The following ERICH3 variants were observed in gnomAD, a reference collection of about 807,000 sequenced individuals.
ERICH3 encodes the protein glutamate-rich protein 3.
In ERICH3, 126 loss-of-function variants were observed where a neutral mutation model predicts 131.1. The observed-to-expected ratio is 0.96, with a 90% confidence interval of 0.83 to 1.11. ERICH3 has a LOEUF of 1.11. Ranked by LOEUF, ERICH3 falls within the 50% of genes most tolerant of loss-of-function variation. ERICH3 has a pLI of 0.00. For synonymous variants in ERICH3, 695 were observed against 644.6 expected (o/e 1.08, Z -1.18); for missense variants, 2,050 against 1,810.7 (o/e 1.13, Z -2.40).
At chr1:74,594,723 C>T (rs956568586) in intron 11 of ERICH3, among the ~76,000 whole-genome samples, 2 of 152,102 alleles carry the variant, frequency 1.3e-5, no homozygotes, top group African/African-American at 4.8e-5. Context: ...AAACTATTGC[C>T]ATACTCTTAT....
intron 10 of ERICH3, among the ~76,000 whole-genome samples, chr1:74,602,325 G>A (rs192725633): frequency 1.7e-4 from 26 of 152,024 alleles, no homozygotes; most frequent in Admixed American, 1.5e-3. Context: ...TGTCATTATA[G>A]CTCAAAGCAC....
chr1:74,636,421 A>T lies in ERICH3; in HGVS notation c.462T>A (p.Tyr154Ter), dbSNP rs1356149289. 1 of 1,611,514 alleles carries T rather than the reference A, an allele frequency of 6.2e-7. No homozygotes were observed. Among genetic ancestry groups the T allele is most frequent in the Admixed American group, 1.7e-5 (1 of 59,896 alleles). Residue 154 changes from tyrosine to a stop codon, truncating the protein, a stop_gained, in exon 6 of 15, where the codon TAT becomes TAA. Transcript: ENST00000326665. LOFTEE classifies it high-confidence loss of function. ...GAGGCTGCATATTTCCTGGAGCAGT[A>T]TATGGTCGAGGGGCTGTCTAGACAA... The part of the protein sequence containing the change: ...SPLALTAPRP[Y>*]TAPGNMQPPI...
At chr1:74,636,973 C>T (rs1646395431) in intron 5 of ERICH3, among the ~76,000 whole-genome samples, 1 of 152,112 alleles carries the variant, frequency 6.6e-6, no homozygotes, top group South Asian at 2.1e-4. Context: ...CAATGGCATC[C>T]TTGAAATACT....
intron 7 of ERICH3, chr1:74,625,603 G>A (rs1557689499): frequency 6.6e-6 from 1 of 151,424 alleles, no homozygotes; most frequent in African/African-American, 2.4e-5. Context: ...ATGGTTAATT[G>A]TATATATATA....
At chr1:74,645,102 C>T (rs748717282) in intron 3 of ERICH3, among the ~76,000 whole-genome samples, 10 of 151,996 alleles carry the variant, frequency 6.6e-5, no homozygotes, top group Non-Finnish European at 1.0e-4. Flanking sequence ...GCAAGACCTC[C>T]GTTCAGTTTC....
intron 1 of ERICH3, among the ~76,000 whole-genome samples, chr1:74,655,736 A>G (rs980304920): frequency 2.6e-5 from 4 of 152,168 alleles, no homozygotes; most frequent in African/African-American, 4.8e-5. Context: ...CCATTCTTCT[A>G]TGTTCTGCAA....
intron 8 of ERICH3, chr1:74,615,178 GTTAC>G (rs1001178119): frequency 6.6e-6 from 1 of 152,056 alleles, no homozygotes; most frequent in African/African-American, 2.4e-5. Flanking sequence ...TTACTCCTTT[GTTAC>G]TTATTTTTGT....
chr1:74,613,063 A>G (rs1333739801), intron 8 of ERICH3, among the ~76,000 whole-genome samples: 1 of 152,220 alleles, frequency 6.6e-6, no homozygotes, highest in East Asian at 1.9e-4. Flanking sequence ...TGTTTGAAGA[A>G]AGTTTTCAAA....
At chr1:74,666,815 C>A (rs182303142) in intron 1 of ERICH3, among the ~76,000 whole-genome samples, 42 of 152,212 alleles carry the variant, frequency 2.8e-4, no homozygotes, top group Admixed American at 1.9e-3. Context: ...CTTATTTAAC[C>A]CATGAAGTGC....
chr1:74,624,919 T>C (rs934710526), intron 7 of ERICH3: 5 of 77,116 alleles, frequency 6.5e-5, no homozygotes, highest in Non-Finnish European at 1.0e-4. Flanking sequence ...GTGTTAGAGA[T>C]TGGGTCTTGT....
intron 1 of ERICH3, among the ~76,000 whole-genome samples, chr1:74,651,579 A>G (rs1400760422): frequency 6.6e-6 from 1 of 152,152 alleles, no homozygotes; most frequent in Non-Finnish European, 1.5e-5. Flanking sequence ...TCCTCATTTC[A>G]GAAAGGTGAG....
intron 1 of ERICH3, among the ~76,000 whole-genome samples, chr1:74,660,552 G>A (rs191225234): frequency 4.7e-5 from 7 of 149,412 alleles, no homozygotes; most frequent in Middle Eastern, 3.6e-3. Flanking sequence ...TTGATTATAA[G>A]AAGGCTCAAT....
At chr1:74,639,449 A>T (rs2100632406) in intron 5 of ERICH3, among the ~76,000 whole-genome samples, 1 of 152,280 alleles carries the variant, frequency 6.6e-6, no homozygotes, top group South Asian at 2.1e-4. Context: ...GTGAGCTACA[A>T]ATTGTTGTAG....
In ERICH3 at chr1:74,673,641, G is replaced by A. The variant is rs754081021; in HGVS notation, c.-122C>T. ...GGCTCCGCACCGAGGTCCCCTGTGC[G>A]CGGGCACCTGGGCTGGGCCGCCGCC... On this transcript the variant is annotated 5_prime_UTR_variant, in exon 1 of 15. Transcript: ENST00000326665. 5 of 1,115,908 alleles carry A rather than the reference G, an allele frequency of 4.5e-6. No homozygotes were observed. The highest frequency in any genetic ancestry group is 6.2e-6 in the Non-Finnish European group (5 of 809,214). The allele number at this position is 1,115,908 out of a possible 1,614,324, so 69.1% of individuals were successfully genotyped here.
intron 9 of ERICH3, among the ~76,000 whole-genome samples, chr1:74,609,343 CA>C (rs1217578538): frequency 2.6e-5 from 4 of 151,968 alleles, no homozygotes; most frequent in Non-Finnish European, 5.9e-5. Context: ...TTTCTCATCA[CA>C]AATGTTTCTG....
chr1:74,617,276 T>A (rs1649013167), intron 8 of ERICH3, among the ~76,000 whole-genome samples: 1 of 150,496 alleles, frequency 6.6e-6, no homozygotes, highest in African/African-American at 2.4e-5. Flanking sequence ...CACCTAAATA[T>A]GTAGTTTTCA....
intron 12 of ERICH3, among the ~76,000 whole-genome samples, chr1:74,582,058 T>C (rs569482487): frequency 2.0e-5 from 3 of 152,292 alleles, no homozygotes; most frequent in African/African-American, 7.2e-5. Context: ...AGTGCCTCTA[T>C]GAATTCAGGG....
intron 7 of ERICH3, among the ~76,000 whole-genome samples, chr1:74,629,097 T>C (rs2100620642): frequency 6.6e-6 from 1 of 152,150 alleles, no homozygotes; most frequent in East Asian, 1.9e-4. Flanking sequence ...TCTCCACAAA[T>C]ACGACGGAGT....
chr1:74,619,186 T>C (rs72675362), intron 8 of ERICH3, among the ~76,000 whole-genome samples: 3,835 of 152,266 alleles, frequency 0.025, 65 homozygotes, highest in Non-Finnish European at 0.037. Flanking sequence ...TAACACTGAC[T>C]CAAGTGACAC....
Sources: allele counts gnomAD v4.1 joint callset (sites outside exome capture counted in the v4.1 genomes callset), GRCh38; gene constraint gnomAD v4.1.1; transcripts MANE v1.5; gene names NCBI Gene and HGNC (gene_info 2026-07-23, HGNC 2026-07-21).